The following BAALC variants were observed in gnomAD, a reference collection of about 807,000 sequenced individuals.
BAALC encodes the protein BAALC binder of MAP3K1 and KLF4.
Under a neutral mutation model 15.5 loss-of-function variants are expected in BAALC, and 9 were observed. The observed-to-expected ratio is 0.58, with a 90% CI of 0.35 to 1.02. The LOEUF is 1.02. Among genes scored for constraint, BAALC ranks in the 50% least tolerant of loss-of-function variants. The pLI is 0.02. For missense variants in BAALC, 201 were observed against 192.4 expected (o/e 1.04, Z -0.27); for synonymous variants, 80 against 74.6 (o/e 1.07, Z -0.37).
chr8:103,141,166 G>A (rs1230395675), intron 1 of BAALC, 109 bp downstream of exon 1: 2 of 1,261,568 alleles, frequency 1.6e-6, no homozygotes, highest in East Asian at 3.2e-5. Context: ...CGCGGCGGGG[G>A]TGGCTGGGAG....
intron 1 of BAALC, among the ~76,000 whole-genome samples, chr8:103,144,880 G>C (rs2129851904): frequency 6.6e-6 from 1 of 152,288 alleles, no homozygotes; most frequent in East Asian, 1.9e-4. Context: ...CTGGGGCCTG[G>C]TGCTTTATTG....
chr8:103,196,248 C>T (rs1459393911), intron 1 of BAALC, among the ~76,000 whole-genome samples: 2 of 152,000 alleles, frequency 1.3e-5, no homozygotes. Flanking sequence ...AAGAGGTAGG[C>T]CATGATCACA....
At chr8:103,225,327 A>C (rs1223518713) in intron 2 of BAALC, among the ~76,000 whole-genome samples, 2 of 152,246 alleles carry the variant, frequency 1.3e-5, no homozygotes, top group Non-Finnish European at 1.5e-5. Flanking sequence ...ATCTCATGAA[A>C]TAAATAGATA....
intron 1 of BAALC, among the ~76,000 whole-genome samples, chr8:103,150,234 T>C (rs1488345752): frequency 6.6e-6 from 1 of 152,152 alleles, no homozygotes; most frequent in Non-Finnish European, 1.5e-5. Context: ...ACCTCCCACC[T>C]GGCCCCTCCC....
intron 1 of BAALC, among the ~76,000 whole-genome samples, chr8:103,175,225 C>T (rs533483698): frequency 6.6e-6 from 1 of 152,340 alleles, no homozygotes; most frequent in South Asian, 2.1e-4. Flanking sequence ...TTTCTCTCTA[C>T]ACAACCCCAA....
At chr8:103,142,696 T>C (rs1437446331) in intron 1 of BAALC, among the ~76,000 whole-genome samples, 1 of 152,234 alleles carries the variant, frequency 6.6e-6, no homozygotes, top group Non-Finnish European at 1.5e-5. Context: ...GGTGTGTGTG[T>C]GTATGTGCGT....
intron 1 of BAALC, among the ~76,000 whole-genome samples, chr8:103,196,536 C>T (rs1360156783): frequency 6.6e-6 from 1 of 152,188 alleles, no homozygotes; most frequent in Non-Finnish European, 1.5e-5. Context: ...CTGTCTTGAC[C>T]TCCCAAAGTG....
In BAALC at chr8:103,189,845, AG is replaced by A; in HGVS notation, c.161-23071del. On this transcript the variant is annotated intron_variant, in intron 1 of 2. Coordinates refer to ENST00000309982, the MANE Select transcript of BAALC (RefSeq NM_024812.3). Reference sequence around the variant, plus strand: ...AGATGCAGTGGTGCAATACGGTGTGAGGGAGAAAGACATGCTGAGGGAAGAT... The same window carrying A: ...AGATGCAGTGGTGCAATACGGTGTGAGGAGAAAGACATGCTGAGGGAAGAT... Among the ~76,000 whole-genome samples, 3 of 152,294 alleles carry A rather than the reference AG, an allele frequency of 2.0e-5. No individual in the cohort carries two copies. In the South Asian group the frequency reaches 6.2e-4, roughly 32 times the overall value.
intron 2 of BAALC, among the ~76,000 whole-genome samples, chr8:103,225,873 C>T (rs1586447994): frequency 6.6e-6 from 1 of 152,182 alleles, no homozygotes. Context: ...AGAGGGGTGT[C>T]GCCATCAGCT....
chr8:103,202,024 T>C (rs537738224), intron 1 of BAALC, among the ~76,000 whole-genome samples: 119 of 152,326 alleles, frequency 7.8e-4, no homozygotes, highest in African/African-American at 2.8e-3. Flanking sequence ...GTAGGCAAAA[T>C]GTCAATAGTA....
chr8:103,224,287 C>T (rs946541472), intron 2 of BAALC, among the ~76,000 whole-genome samples: 9 of 151,968 alleles, frequency 5.9e-5, no homozygotes, highest in Non-Finnish European at 1.3e-4. Context: ...CAGGAGGTCC[C>T]GAGAACATGT....
intron 1 of BAALC, chr8:103,183,502 G>T: frequency 4.3e-6 from 3 of 702,036 alleles, no homozygotes; most frequent in Admixed American, 2.0e-5. Context: ...ACCAGATCTG[G>T]GGAGGTGGGT....
chr8:103,151,531 T>C (rs13259545), intron 1 of BAALC, among the ~76,000 whole-genome samples: 54,224 of 151,996 alleles, frequency 0.36, 9,747 homozygotes, highest in Middle Eastern at 0.48. Flanking sequence ...GTCATGCCAA[T>C]CTCAAACCTT....
At chr8:103,221,595 T>G (rs1812679212) in intron 2 of BAALC, among the ~76,000 whole-genome samples, 1 of 152,292 alleles carries the variant, frequency 6.6e-6, no homozygotes, top group Non-Finnish European at 1.5e-5. Context: ...ATACGTTGTA[T>G]AAAGCATCAC....
intron 2 of BAALC, among the ~76,000 whole-genome samples, chr8:103,227,638 A>C (rs758789041): frequency 2.6e-5 from 4 of 152,144 alleles, no homozygotes; most frequent in Non-Finnish European, 4.4e-5. Flanking sequence ...CATGAGACAA[A>C]TGCATATTTG....
chr8:103,206,109 G>A (rs1420092987), intron 1 of BAALC, among the ~76,000 whole-genome samples: 1 of 152,208 alleles, frequency 6.6e-6, no homozygotes, highest in Non-Finnish European at 1.5e-5. Context: ...AGAGTCTAGG[G>A]TTGGTGGAAA....
intron 1 of BAALC, among the ~76,000 whole-genome samples, chr8:103,177,144 T>G (rs1811622691): frequency 6.6e-6 from 1 of 152,154 alleles, no homozygotes; most frequent in South Asian, 2.1e-4. Context: ...TCTCCTTTTC[T>G]CACTCTTCCT....
chr8:103,151,914 C>T (rs1240741039), intron 1 of BAALC, among the ~76,000 whole-genome samples: 1 of 152,108 alleles, frequency 6.6e-6, no homozygotes, highest in Non-Finnish European at 1.5e-5. Context: ...GACAAGGTTG[C>T]CCCTTGTTGT....
At position 103,164,472 on chromosome 8, in the gene BAALC, C is replaced by G. The variant is rs115529988; in HGVS notation, c.160+23415C>G. On this transcript the variant is annotated intron_variant, in intron 1 of 2. Transcript: ENST00000309982. ...ATTTCTCACATTCCTGCCAAAGAGTCTTTCTGGAGGATGGATGTGATCGTG... is the reference window on the plus strand; with the variant it reads ...ATTTCTCACATTCCTGCCAAAGAGTGTTTCTGGAGGATGGATGTGATCGTG... Among the ~76,000 whole-genome samples the G allele has an allele frequency of 2.0e-3, 310 of 152,288 alleles. 1 individual carries two copies. The highest frequency in any genetic ancestry group is 0.014 in the Middle Eastern group (4 of 294).
Sources: allele counts gnomAD v4.1 joint callset (sites outside exome capture counted in the v4.1 genomes callset), GRCh38; gene constraint gnomAD v4.1.1; transcripts MANE v1.5; gene names NCBI Gene and HGNC (gene_info 2026-07-23, HGNC 2026-07-21).